The following ZDHHC11 variants were observed in gnomAD, a reference collection of about 807,000 sequenced individuals.
The protein encoded by ZDHHC11 is palmitoyltransferase ZDHHC11.
ZDHHC11 carries 44 observed loss-of-function variants against 51.3 expected under a neutral mutation model. The observed-to-expected ratio is 0.86, with a 90% CI of 0.67 to 1.10. ZDHHC11 has a LOEUF of 1.10. Ranked by LOEUF, ZDHHC11 falls within the 50% of genes least tolerant of loss-of-function variation. The pLI is 0.00. For synonymous variants in ZDHHC11, 163 were observed against 222.0 expected (o/e 0.73, Z 2.36); for missense variants, 400 against 537.7 (o/e 0.74, Z 2.53).
upstream of ZDHHC11, among the ~76,000 whole-genome samples, chr5:859,724 C>G (rs1748691650): frequency 6.6e-6 from 1 of 152,208 alleles, no homozygotes; most frequent in African/African-American, 2.4e-5. Flanking sequence ...ACAGCTTCAC[C>G]ACGACCCATG....
intron 10 of ZDHHC11, chr5:816,255 G>A (rs1293645784): frequency 4.4e-6 from 1 of 229,216 alleles, no homozygotes; most frequent in Non-Finnish European, 8.8e-6. Context: ...TTCTTTTTTC[G>A]GAAATAATGT....
At chr5:840,852 G>T in intron 4 of ZDHHC11, 1 of 1,460,728 alleles carries the variant, frequency 6.8e-7, no homozygotes, top group Non-Finnish European at 9.1e-7. Flanking sequence ...CATGATCCCT[G>T]CTTTATGGAT....
chr5:799,793 T>C (rs1434018442), intron 12 of ZDHHC11, among the ~76,000 whole-genome samples: 1 of 151,660 alleles, frequency 6.6e-6, no homozygotes. Context: ...CCAATTTACT[T>C]CTTCTTTCCT....
chr5:805,931 G>C (rs1739185514), intron 11 of ZDHHC11, among the ~76,000 whole-genome samples: 1 of 151,158 alleles, frequency 6.6e-6, no homozygotes, highest in African/African-American at 2.4e-5. Context: ...AAGGGTGGTA[G>C]CTAAGTGTTC....
chr5:814,253 G>A (rs1740470817), intron 11 of ZDHHC11, among the ~76,000 whole-genome samples: 1 of 150,708 alleles, frequency 6.6e-6, no homozygotes, highest in South Asian at 2.1e-4. Flanking sequence ...ATTTCATCAT[G>A]GGAACAGGGT....
chr5:837,704 G>C (rs182878735), intron 5 of ZDHHC11, among the ~76,000 whole-genome samples: 1 of 151,928 alleles, frequency 6.6e-6, no homozygotes, highest in Non-Finnish European at 1.5e-5. Context: ...CTGCAGCTGC[G>C]ACCTGGGGAA....
At chr5:803,881 T>TC (rs1309100516) in intron 11 of ZDHHC11, among the ~76,000 whole-genome samples, 2 of 149,394 alleles carry the variant, frequency 1.3e-5, no homozygotes, top group African/African-American at 4.9e-5. Context: ...TTAGAAGAGT[T>TC]CAACAGATTT....
At chr5:837,344 G>A in intron 6 of ZDHHC11, 21 bp downstream of exon 6, 1 of 1,609,800 alleles carries the variant, frequency 6.2e-7, no homozygotes, top group Non-Finnish European at 8.5e-7. Flanking sequence ...TGGAGAAATG[G>A]AGCAGAGAGA....
intron 4 of ZDHHC11, 57 bp from the exon 5 acceptor site, chr5:840,707 G>A: frequency 6.2e-6 from 10 of 1,608,426 alleles, no homozygotes; most frequent in Non-Finnish European, 7.6e-6. Context: ...TGCCACATCA[G>A]GTGGACGTCA....
rs1203150540 is a variant in ZDHHC11 at position 819,414 on chromosome 5, A to G, written c.1146+111T>C. On this transcript the variant is annotated intron_variant, in intron 10 of 12. Coordinates refer to ENST00000283441, the MANE Select transcript of ZDHHC11 (RefSeq NM_024786.3). ...TCCCATGTGAGCAGCACCCTTGGAC[A>G]CAGAGTGCTTCCCTTTTGAATACTA... 2.2e-5 allele frequency: 26 copies of G among 1,158,478 alleles called. 1 individual carries two copies. The East Asian group carries it at 4.5e-4, about 20-fold the overall frequency. The allele number at this position is 1,158,478 out of a possible 1,614,324, so 71.8% of individuals were successfully genotyped here.
upstream of ZDHHC11, among the ~76,000 whole-genome samples, chr5:854,095 C>G (rs1747749553): frequency 1.4e-5 from 2 of 142,370 alleles, no homozygotes; most frequent in Non-Finnish European, 3.0e-5. Context: ...CCGGGGGGCA[C>G]AGACCCCACG....
rs921977422 is a variant in ZDHHC11 at position 824,900 on chromosome 5, A to G, written c.1023+264T>C. Among the ~76,000 whole-genome samples, 9 of 151,150 alleles carry G rather than the reference A, an allele frequency of 6.0e-5. No individual in the cohort carries two copies. In the East Asian group the frequency reaches 1.4e-3, roughly 23 times the overall value. ...CTGCCTTGGGCATCTGCCCATCACC[A>G]CAGCCTGATGGTGGTGCTCCAGTGC... On this transcript the variant is annotated intron_variant, in intron 8 of 12. Coordinates refer to ENST00000283441, the MANE Select transcript of ZDHHC11 (RefSeq NM_024786.3).
chr5:844,950 T>C (rs1477323862), intron 3 of ZDHHC11, among the ~76,000 whole-genome samples: 3 of 152,152 alleles, frequency 2.0e-5, no homozygotes, highest in Non-Finnish European at 4.4e-5. Context: ...ATGATATTTT[T>C]TTAAAAGTAT....
intron 11 of ZDHHC11, among the ~76,000 whole-genome samples, chr5:812,481 T>C (rs1179274709): frequency 6.6e-6 from 1 of 151,578 alleles, no homozygotes; most frequent in Non-Finnish European, 1.5e-5. Context: ...GACAATATGT[T>C]CAGTCTCATT....
At chr5:804,421 G>C (rs1347270357) in intron 11 of ZDHHC11, among the ~76,000 whole-genome samples, 2 of 151,152 alleles carry the variant, frequency 1.3e-5, no homozygotes, top group Non-Finnish European at 3.0e-5. Flanking sequence ...GGGGGAGCAG[G>C]AGACTACTCT....
At chr5:844,132 G>A (rs1259608358) in intron 3 of ZDHHC11, among the ~76,000 whole-genome samples, 13 of 152,000 alleles carry the variant, frequency 8.6e-5, no homozygotes, top group East Asian at 5.8e-4. Context: ...ACCGCCCAAC[G>A]CTGGCCTCAA....
intron 8 of ZDHHC11, among the ~76,000 whole-genome samples, chr5:824,740 TAC>T (rs549507855): frequency 6.9e-6 from 1 of 145,680 alleles, no homozygotes; most frequent in Non-Finnish European, 1.5e-5. Flanking sequence ...ATCTGTCTCC[TAC>T]ACACAGTCTT....
chr5:814,705 G>A lies in ZDHHC11; in HGVS notation c.1181+56C>T. The A allele has an allele frequency of 1.4e-6, 2 of 1,465,160 alleles. 1 individual carries two copies. The highest frequency in any genetic ancestry group is 1.8e-6 in the Non-Finnish European group (2 of 1,090,866). 90.8% of individuals were successfully genotyped at this position (1,465,160 alleles called of 1,614,324 possible). ...GAGAACATATTTTCCTATGTAATTT[G>A]AGTTCAGGCAAGTGTAGAGACAGAC... On this transcript the variant is annotated intron_variant, in intron 11 of 12. Transcript: ENST00000283441.
chr5:815,009 GTTGAC>G (rs1211596431), intron 10 of ZDHHC11, among the ~76,000 whole-genome samples: 2 of 151,394 alleles, frequency 1.3e-5, no homozygotes. Context: ...AAATTCATAG[GTTGAC>G]ATCCTGACTC....
Sources: allele counts gnomAD v4.1 joint callset (sites outside exome capture counted in the v4.1 genomes callset), GRCh38; gene constraint gnomAD v4.1.1; transcripts MANE v1.5; gene names NCBI Gene and HGNC (gene_info 2026-07-23, HGNC 2026-07-21).